Variants in PHLPP2 observed in about 807,000 individuals in gnomAD.
PHLPP2 encodes the protein PH domain and leucine rich repeat protein phosphatase 2.
In PHLPP2, 66 loss-of-function variants were observed where a neutral mutation model predicts 124.9. The ratio of observed to expected loss-of-function variants is 0.53; its 90% confidence interval spans 0.43 to 0.65. The LOEUF (loss-of-function observed/expected upper bound fraction) is 0.65, where lower values mean the gene tolerates loss of function less well. Ranked by LOEUF, PHLPP2 falls within the 30% of genes least tolerant of loss-of-function variation. The probability of loss-of-function intolerance (pLI) is 0.00; values close to 1 mark genes in which losing one functional copy is unlikely to be tolerated. For missense variants in PHLPP2, 1,685 were observed against 1,600.4 expected (o/e 1.05, Z -0.90); for synonymous variants, 681 against 624.7 (o/e 1.09, Z -1.34).
At position 71,684,540 on chromosome 16, in the gene PHLPP2, T is replaced by C; in HGVS notation, c.671A>G (p.Gln224Arg). ...LAFSSAGAQA[Q>R]TYHVSFETLA... The stretch of plus-strand genomic sequence containing the variant: ...AGTCTCGAAGCTGACATGATAGGTC[T>C]GAGCTTGGGCTCCTGCTGAGCTGAA... Residue 224 changes from glutamine (Q) to arginine (R), a missense_variant, in exon 5 of 19, where the codon CAG (glutamine) becomes CGG (arginine). Gln to Arg is a conservative substitution (Grantham distance 43, BLOSUM62 1). Transcript: ENST00000568954. The C allele has an allele frequency of 6.2e-7, 1 of 1,614,008 alleles. No homozygotes were observed. The highest frequency in any genetic ancestry group is 8.5e-7 in the Non-Finnish European group (1 of 1,179,960).
Position 71,684,458 on chromosome 16 carries a change from C to G in PHLPP2, c.735+18G>C. Reference sequence around the variant, plus strand: ...CTCTATTCTTATCTCCACATCAGAACATCCCATTACTTTTCACCTTGGATG... The same window carrying G: ...CTCTATTCTTATCTCCACATCAGAAGATCCCATTACTTTTCACCTTGGATG... On this transcript the variant is annotated intron_variant, in intron 5 of 18. Coordinates refer to ENST00000568954, the MANE Select transcript of PHLPP2 (RefSeq NM_015020.3). 6.2e-7 allele frequency: 1 copy of G among 1,613,322 alleles called. No individual in the cohort carries two copies. Among genetic ancestry groups the G allele is most frequent in the South Asian group, 1.1e-5 (1 of 91,056 alleles).
chr16:71,678,526 A>G, intron 8 of PHLPP2: 2 of 478,848 alleles, frequency 4.2e-6, no homozygotes, highest in Non-Finnish European at 7.5e-6. Flanking sequence ...TGAAGTCCCA[A>G]CTACTCGGGA....
At chr16:71,715,589 A>C (rs1342882657) in intron 1 of PHLPP2, 1 of 150,594 alleles carries the variant, frequency 6.6e-6, no homozygotes, top group Non-Finnish European at 1.5e-5. Flanking sequence ...AGAGGTGTGA[A>C]GATTGCTTGA....
At chr16:71,658,563 CCTTT>C in intron 14 of PHLPP2, 86 bp downstream of exon 14, 1 of 1,373,098 alleles carries the variant, frequency 7.3e-7, no homozygotes, top group Middle Eastern at 1.9e-4. Flanking sequence ...CATTCACACT[CCTTT>C]CTTCTTCTTT....
chr16:71,709,446 T>G (rs1165261392), intron 2 of PHLPP2, among the ~76,000 whole-genome samples: 1 of 151,698 alleles, frequency 6.6e-6, no homozygotes, highest in Non-Finnish European at 1.5e-5. Context: ...AAAATAAAAA[T>G]TAAAAAAAAA....
intron 6 of PHLPP2, 78 bp downstream of exon 6, chr16:71,681,673 G>A (rs2044999738): frequency 9.1e-7 from 1 of 1,097,842 alleles, no homozygotes; most frequent in East Asian, 2.7e-5. Context: ...TACATACAAT[G>A]GTAGCAGGTA....
intron 3 of PHLPP2, among the ~76,000 whole-genome samples, chr16:71,697,780 C>T (rs531543488): frequency 9.2e-5 from 14 of 151,500 alleles, no homozygotes; most frequent in African/African-American, 2.2e-4. Flanking sequence ...CTTTCTCCAA[C>T]GCAAATAAGA....
chr16:71,670,404 G>A (rs182656451), intron 10 of PHLPP2, among the ~76,000 whole-genome samples: 7 of 152,252 alleles, frequency 4.6e-5, no homozygotes, highest in African/African-American at 1.7e-4. Flanking sequence ...AAAAAAATCA[G>A]ACTGTATTAG....
intron 3 of PHLPP2, among the ~76,000 whole-genome samples, chr16:71,699,766 G>A (rs1597012149): frequency 2.0e-5 from 3 of 152,342 alleles, no homozygotes; most frequent in South Asian, 4.1e-4. Context: ...AGAGAGGTAA[G>A]AGAGCATTAT....
intron 5 of PHLPP2, among the ~76,000 whole-genome samples, chr16:71,682,307 T>C (rs1489372067): frequency 6.6e-6 from 1 of 151,056 alleles, no homozygotes; most frequent in African/African-American, 2.4e-5. Flanking sequence ...ATCCTCCGTC[T>C]CCTGGGCTCA....
chr16:71,707,438 C>T (rs939372303), intron 2 of PHLPP2, among the ~76,000 whole-genome samples: 4 of 152,084 alleles, frequency 2.6e-5, no homozygotes, highest in East Asian at 1.9e-4. Flanking sequence ...CTCAGGACAG[C>T]GGCTGGTCAC....
intron 3 of PHLPP2, among the ~76,000 whole-genome samples, chr16:71,699,895 C>T (rs1289259297): frequency 6.6e-6 from 1 of 152,202 alleles, no homozygotes; most frequent in Non-Finnish European, 1.5e-5. Flanking sequence ...ACTCGCTCTC[C>T]TATGCGCTAC....
chr16:71,666,635 A>G (rs977746183), intron 12 of PHLPP2, among the ~76,000 whole-genome samples: 2 of 152,244 alleles, frequency 1.3e-5, no homozygotes, highest in African/African-American at 2.4e-5. Context: ...ATAGGAAGAC[A>G]TGTCATCTAT....
Position 71,655,347 on chromosome 16 carries a change from C to T in PHLPP2, c.2478G>A (p.Glu826=). Residue 826 remains glutamate (E), a synonymous_variant, in exon 17 of 19, where the codon GAG becomes GAA. Coordinates refer to ENST00000568954, the MANE Select transcript of PHLPP2 (RefSeq NM_015020.3). The stretch of plus-strand genomic sequence containing the variant: ...TCGTACACTGCAGCAGGCGCGGGAG[C>T]TCCTCATTTCGGTCTCCATCAAACA... ...YGMFDGDRNE[E]LPRLLQCTMA... The T allele has an allele frequency of 1.2e-6, 2 of 1,613,802 alleles. No homozygotes were observed. The highest frequency in any genetic ancestry group is 1.3e-5 in the African/African-American group (1 of 75,032).
intron 1 of PHLPP2, among the ~76,000 whole-genome samples, chr16:71,719,901 G>A (rs2045386991): frequency 6.7e-6 from 1 of 149,018 alleles, no homozygotes; most frequent in South Asian, 2.1e-4. Context: ...GGGTTCAAGC[G>A]ATTTTCCTGC....
chr16:71,648,363 G>A lies in PHLPP2; in HGVS notation c.*527C>T, dbSNP rs1208919123. The A allele has an allele frequency of 1.2e-5, 2 of 160,188 alleles. No homozygotes were observed. The highest frequency in any genetic ancestry group is 2.8e-5 in the Non-Finnish European group (2 of 71,294). 9.9% of individuals were successfully genotyped at this position (160,188 alleles called of 1,614,324 possible). A position where few individuals can be genotyped will look rare whatever the true frequency, so the allele number is the denominator to read the frequency against. On this transcript the variant is annotated 3_prime_UTR_variant, in exon 19 of 19. Transcript: ENST00000568954. ...AGTACCCCTGGGAATTCCAATGCAGGTTAAATGTGAAACTTAACACTGATA... is the reference window on the plus strand; with the variant it reads ...AGTACCCCTGGGAATTCCAATGCAGATTAAATGTGAAACTTAACACTGATA...
chr16:71,661,435 C>A lies in PHLPP2; in HGVS notation c.1985+2464G>T, dbSNP rs1415652166. Among the ~76,000 whole-genome samples the A allele has an allele frequency of 2.0e-5, 3 of 152,080 alleles. No homozygotes were observed. In the East Asian group the frequency reaches 5.8e-4, roughly 29 times the overall value. On this transcript the variant is annotated intron_variant, in intron 13 of 18. Transcript: ENST00000568954. ...CTTTGATATGTTTTAAGTTTTATATCAACCTGCTTTTGACCCCTCCAACAA... is the reference window on the plus strand; with the variant it reads ...CTTTGATATGTTTTAAGTTTTATATAAACCTGCTTTTGACCCCTCCAACAA...
intron 10 of PHLPP2, among the ~76,000 whole-genome samples, chr16:71,671,937 A>C (rs1373274248): frequency 6.7e-6 from 1 of 149,778 alleles, no homozygotes; most frequent in Non-Finnish European, 1.5e-5. Context: ...AACACCCACT[A>C]TCTAAAAATC....
rs968349190 is a variant in PHLPP2, at chr16:71,676,470, C to T, written c.1448G>A (p.Arg483Gln). 10 of 1,613,826 alleles carry T rather than the reference C, an allele frequency of 6.2e-6. No individual in the cohort carries two copies. Among genetic ancestry groups the T allele is most frequent in the East Asian group, 4.5e-5 (2 of 44,896 alleles). The change falls in exon 9 of 19, where the codon CGG (arginine) becomes CAG (glutamine). Residue 483 changes from arginine (R) to glutamine (Q), a missense_variant. By Grantham distance (43) the Arg-to-Gln change is conservative (BLOSUM62 1). Coordinates refer to ENST00000568954, the MANE Select transcript of PHLPP2 (RefSeq NM_015020.3). ...RELTLSGFSLRTLYASSNRLT... is the reference protein window; with the variant it reads ...RELTLSGFSLQTLYASSNRLT... ...ACTGTTGGAACTGGCATAGAGGGTCCGAAGGGAAAAGCCACTGAGTGTTAG... is the reference window on the plus strand; with the variant it reads ...ACTGTTGGAACTGGCATAGAGGGTCTGAAGGGAAAAGCCACTGAGTGTTAG...
Sources: allele counts gnomAD v4.1 joint callset (sites outside exome capture counted in the v4.1 genomes callset), GRCh38; gene constraint gnomAD v4.1.1; transcripts MANE v1.5; gene names NCBI Gene and HGNC (gene_info 2026-07-23, HGNC 2026-07-21).